Variants in HIVEP3 observed in about 807,000 individuals in gnomAD.
The protein encoded by HIVEP3 is transcription factor HIVEP3.
A neutral mutation model predicts 152.8 loss-of-function variants in HIVEP3; 49 were observed. The ratio of observed to expected loss-of-function variants is 0.32; its 90% CI spans 0.26 to 0.41. The LOEUF is 0.41. Ranked by LOEUF, HIVEP3 falls within the 10% of genes least tolerant of loss-of-function variation. The pLI is 1.00. For synonymous variants in HIVEP3, 1,269 were observed against 1,289.0 expected (o/e 0.98, Z 0.33); for missense variants, 2,790 against 3,103.3 (o/e 0.90, Z 2.40).
intron 1 of HIVEP3, among the ~76,000 whole-genome samples, chr1:42,008,418 T>C (rs1403593407): frequency 1.3e-5 from 2 of 152,242 alleles, no homozygotes; most frequent in Non-Finnish European, 1.5e-5. Context: ...TTATTAGTTC[T>C]CAGCTACACA....
intron 1 of HIVEP3, among the ~76,000 whole-genome samples, chr1:41,854,542 A>C (rs1403035262): frequency 1.6e-4 from 10 of 63,336 alleles, no homozygotes; most frequent in African/African-American, 2.3e-4. Context: ...TTTTTTTTAT[A>C]CTCTAAGTTT....
intron 1 of HIVEP3, among the ~76,000 whole-genome samples, chr1:41,793,267 C>T (rs898933314): frequency 2.0e-5 from 3 of 152,244 alleles, no homozygotes; most frequent in African/African-American, 7.2e-5. Flanking sequence ...TTTCTGGGCT[C>T]CCCCTGTCTC....
At chr1:41,726,522 G>A (rs1195153134) in intron 1 of HIVEP3, among the ~76,000 whole-genome samples, 1 of 152,184 alleles carries the variant, frequency 6.6e-6, no homozygotes, top group Non-Finnish European at 1.5e-5. Context: ...GAGCGTGGAG[G>A]GGTTAGGAAA....
intron 1 of HIVEP3, among the ~76,000 whole-genome samples, chr1:41,803,907 C>T (rs376019731): frequency 2.0e-5 from 3 of 152,272 alleles, no homozygotes; most frequent in East Asian, 1.9e-4. Flanking sequence ...GACTAAGAAC[C>T]GCCTATCGAT....
intron 5 of HIVEP3, among the ~76,000 whole-genome samples, chr1:41,566,996 T>C (rs1363223219): frequency 2.0e-5 from 3 of 152,074 alleles, no homozygotes; most frequent in Non-Finnish European, 2.9e-5. Flanking sequence ...GCCTCAGGCC[T>C]CTCCTCTGAG....
intron 2 of HIVEP3, among the ~76,000 whole-genome samples, chr1:41,688,789 C>T (rs1396475041): frequency 6.6e-6 from 1 of 152,158 alleles, no homozygotes; most frequent in Non-Finnish European, 1.5e-5. Flanking sequence ...ATGCTCCAGA[C>T]ATCCTGAGCT....
At chr1:41,860,187 T>C (rs932313086) in intron 1 of HIVEP3, among the ~76,000 whole-genome samples, 3 of 152,204 alleles carry the variant, frequency 2.0e-5, no homozygotes, top group Non-Finnish European at 2.9e-5. Context: ...ACCCCAGTTA[T>C]ATCGGAGAGA....
intron 1 of HIVEP3, among the ~76,000 whole-genome samples, chr1:41,826,205 G>C (rs942769496): frequency 1.3e-5 from 2 of 152,146 alleles, no homozygotes; most frequent in Non-Finnish European, 2.9e-5. Context: ...CCGATATTTT[G>C]TAAAAGGCTT....
intron 1 of HIVEP3, among the ~76,000 whole-genome samples, chr1:41,778,328 C>T (rs1271934241): frequency 6.6e-6 from 1 of 152,194 alleles, no homozygotes; most frequent in Non-Finnish European, 1.5e-5. Flanking sequence ...AACTCAGTGT[C>T]CCAGTGTAGT....
rs112967783 is a variant in HIVEP3 at position 41,511,628 on chromosome 1, T to C, written c.6406-362A>G. On this transcript the variant is annotated intron_variant, in intron 8 of 8. Transcript: ENST00000372583. This position sits in a 1 kb window ranked among gnomAD's most constrained non-coding sequence, Gnocchi z 4.9. ...TCTGCTGCCTGTCCTGTTCCTAAAA[T>C]GGTCTTCACCCAGCTTCACTCTTGG... Among the ~76,000 whole-genome samples the C allele has an allele frequency of 4.6e-5, 7 of 152,148 alleles. No individual in the cohort carries two copies. Among genetic ancestry groups the C allele is most frequent in the African/African-American group, 9.7e-5 (4 of 41,426 alleles).
intron 2 of HIVEP3, among the ~76,000 whole-genome samples, chr1:41,697,035 T>C (rs1309244509): frequency 6.6e-6 from 1 of 152,206 alleles, no homozygotes; most frequent in African/African-American, 2.4e-5. Context: ...AAGATCAACA[T>C]TCTCCAACCC....
chr1:41,974,199 T>TTG (rs1186487430), intron 1 of HIVEP3, among the ~76,000 whole-genome samples: 1 of 151,938 alleles, frequency 6.6e-6, no homozygotes, highest in Non-Finnish European at 1.5e-5. Flanking sequence ...TTGTGTAAGA[T>TTG]TCCCAAAGAG....
At chr1:41,783,968 G>A (rs1054256204) in intron 1 of HIVEP3, among the ~76,000 whole-genome samples, 20 of 152,206 alleles carry the variant, frequency 1.3e-4, no homozygotes, top group African/African-American at 4.8e-4. Context: ...CAGACTTCTT[G>A]GGTCGCCAGG....
intron 1 of HIVEP3, among the ~76,000 whole-genome samples, chr1:41,756,982 C>T (rs779495463): frequency 6.6e-6 from 1 of 151,996 alleles, no homozygotes; most frequent in Non-Finnish European, 1.5e-5. Context: ...TGGCTCATGC[C>T]TGTAATCCCA....
chr1:41,544,868 C>CACG (rs1569842368), intron 5 of HIVEP3, among the ~76,000 whole-genome samples: 3 of 89,544 alleles, frequency 3.4e-5, no homozygotes, highest in African/African-American at 1.7e-4. Flanking sequence ...CCACCACCAC[C>CACG]ACCACCACTA....
rs1049430889 is a variant in HIVEP3 at position 41,873,893 on chromosome 1, C to T, written c.-801+44520G>A. 2.0e-5 allele frequency among the ~76,000 whole-genome samples: 3 copies of T among 152,238 alleles called. No homozygotes were observed. Among genetic ancestry groups the T allele is most frequent in the Non-Finnish European group, 4.4e-5 (3 of 68,036 alleles). ...AAGGTGGAGAAGCTTCTCAAAGCAACTGGCCCAGGCAGCCTTGTACTTGCT... is the reference window on the plus strand; with the variant it reads ...AAGGTGGAGAAGCTTCTCAAAGCAATTGGCCCAGGCAGCCTTGTACTTGCT... On this transcript the variant is annotated intron_variant, in intron 1 of 8. Transcript: ENST00000372583. The surrounding 1 kb of genome is among the most constrained non-coding windows in gnomAD (Gnocchi z 4.2).
At chr1:41,907,069 GC>G (rs952203356) in intron 1 of HIVEP3, among the ~76,000 whole-genome samples, 2 of 152,174 alleles carry the variant, frequency 1.3e-5, no homozygotes, top group Non-Finnish European at 2.9e-5. Flanking sequence ...AGACTGGCAA[GC>G]CCGCAAGGCT....
chr1:41,861,124 C>T (rs1206634633), intron 1 of HIVEP3, among the ~76,000 whole-genome samples: 2 of 152,162 alleles, frequency 1.3e-5, no homozygotes, highest in Non-Finnish European at 2.9e-5. Context: ...TGCCTGTGTC[C>T]GTCAGTATGG....
chr1:41,916,253 G>C (rs1160578611), intron 1 of HIVEP3, among the ~76,000 whole-genome samples: 1 of 152,334 alleles, frequency 6.6e-6, no homozygotes, highest in African/African-American at 2.4e-5. Flanking sequence ...GGCGGAGACA[G>C]CTCAACAATA....
Sources: allele counts gnomAD v4.1 joint callset (sites outside exome capture counted in the v4.1 genomes callset), GRCh38; gene constraint gnomAD v4.1.1; non-coding constraint Gnocchi (gnomAD v3.1); transcripts MANE v1.5; gene names NCBI Gene and HGNC (gene_info 2026-07-23, HGNC 2026-07-21).